SYNPO2: variants seen among roughly 807,000 people sequenced by gnomAD.
SYNPO2 encodes synaptopodin-2.
SYNPO2 carries 56 observed loss-of-function variants against 85.0 expected under a neutral mutation model. The ratio of observed to expected loss-of-function variants is 0.66; its 90% CI spans 0.53 to 0.82. The LOEUF (loss-of-function observed/expected upper bound fraction) is 0.82, where lower values mean the gene tolerates loss of function less well. SYNPO2 is among the 40% of genes least tolerant of loss of function. The probability of loss-of-function intolerance (pLI) is 0.00; values close to 1 mark genes in which losing one functional copy is unlikely to be tolerated. For synonymous variants in SYNPO2, 602 were observed against 591.1 expected, an observed-to-expected ratio of 1.02 and a Z score of -0.27; for missense variants, 1,575 against 1,534.2, an observed-to-expected ratio of 1.03 and a Z score of -0.44.
intron 1 of SYNPO2, among the ~76,000 whole-genome samples, chr4:118,950,511 A>T (rs1196190863): frequency 6.6e-6 from 1 of 152,196 alleles, no homozygotes; most frequent in Non-Finnish European, 1.5e-5. Context: ...TTAGGATTTG[A>T]TAATTTAAAT....
chr4:118,990,231 G>A (rs934027197), intron 1 of SYNPO2, among the ~76,000 whole-genome samples: 4 of 152,112 alleles, frequency 2.6e-5, no homozygotes, highest in African/African-American at 7.2e-5. Context: ...AGAACTGACA[G>A]CTCACATGGT....
At chr4:118,951,513 C>T (rs1318208072) in intron 1 of SYNPO2, among the ~76,000 whole-genome samples, 1 of 152,048 alleles carries the variant, frequency 6.6e-6, no homozygotes, top group African/African-American at 2.4e-5. Context: ...CAGACAATGC[C>T]AGTACATGAA....
intron 1 of SYNPO2, among the ~76,000 whole-genome samples, chr4:118,988,542 A>C (rs1329367440): frequency 6.6e-6 from 1 of 152,238 alleles, no homozygotes; most frequent in Non-Finnish European, 1.5e-5. Context: ...AGTTTTGGAA[A>C]GTACATCCAG....
At position 119,030,696 on chromosome 4, in the gene SYNPO2, G is replaced by C. The variant is rs200421478; in HGVS notation, c.1921G>C (p.Ala641Pro). 2.5e-6 allele frequency: 4 copies of C among 1,614,152 alleles called. No homozygotes were observed. Among genetic ancestry groups the C allele is most frequent in the East Asian group, 2.2e-5 (1 of 44,876 alleles). The change falls in exon 4 of 5, where the codon GCT becomes CCT. Residue 641 changes from alanine (A) to proline (P), a missense_variant. This residue lies in a region of SYNPO2 where 1,508 missense variants were observed against 1,446.8 expected (regional missense o/e 1.04). Coordinates refer to ENST00000307142, the MANE Select transcript of SYNPO2 (RefSeq NM_133477.3). ...AFSRGVSSPI[A>P]GPAQPPPWPQ... ...CTCCAGAGGGGTTTCAAGTCCGATT[G>C]CTGGCCCAGCACAGCCCCCTCCATG...
Position 119,030,764 on chromosome 4 carries a change from G to A in SYNPO2, c.1989G>A (p.Ser663=), listed in dbSNP as rs754544777. ...APWSQPAFYD[S]SERIASRDER... ...GGTCCCAGCCAGCCTTTTACGATTCGTCTGAGCGAATAGCTTCCCGAGATG... is the reference window on the plus strand; with the variant it reads ...GGTCCCAGCCAGCCTTTTACGATTCATCTGAGCGAATAGCTTCCCGAGATG... The change falls in exon 4 of 5, where the codon TCG becomes TCA. Residue 663 remains serine, a synonymous_variant. Transcript: ENST00000307142. 17 of 1,613,958 alleles carry A rather than the reference G, an allele frequency of 1.1e-5. No individual in the cohort carries two copies. Among genetic ancestry groups the A allele is most frequent in the African/African-American group, 6.7e-5 (5 of 74,870 alleles).
intron 1 of SYNPO2, among the ~76,000 whole-genome samples, chr4:118,894,371 A>G (rs1269520157): frequency 6.6e-6 from 1 of 152,164 alleles, no homozygotes; most frequent in Non-Finnish European, 1.5e-5. Flanking sequence ...TGCCTGGGTC[A>G]GCGGGAGTGG....
chr4:118,959,236 C>A (rs1397616069), intron 1 of SYNPO2, among the ~76,000 whole-genome samples: 10 of 152,186 alleles, frequency 6.6e-5, no homozygotes, highest in Admixed American at 5.2e-4. Context: ...TTACTCCCCA[C>A]CTCTTTCACT....
At chr4:118,953,635 T>C (rs1246225690) in intron 1 of SYNPO2, among the ~76,000 whole-genome samples, 2 of 152,102 alleles carry the variant, frequency 1.3e-5, no homozygotes, top group Non-Finnish European at 2.9e-5. Flanking sequence ...TACTCAGAAT[T>C]GCACACACCA....
chr4:118,932,632 G>A (rs189628087), intron 1 of SYNPO2, among the ~76,000 whole-genome samples: 11 of 152,266 alleles, frequency 7.2e-5, no homozygotes, highest in African/African-American at 2.2e-4. Context: ...TATGGTTCAC[G>A]TTCGGCAGAA....
At chr4:118,926,947 GA>G (rs1733732866) in intron 1 of SYNPO2, among the ~76,000 whole-genome samples, 1 of 152,108 alleles carries the variant, frequency 6.6e-6, no homozygotes, top group African/African-American at 2.4e-5. Context: ...TGGTTAACGG[GA>G]TACTGAAGCA....
intron 1 of SYNPO2, among the ~76,000 whole-genome samples, chr4:118,876,782 C>CT (rs965969290): frequency 1.4e-5 from 2 of 139,932 alleles, no homozygotes; most frequent in Admixed American, 7.4e-5. Flanking sequence ...CTTCCCTTTT[C>CT]TTTTTTTTTC....
chr4:118,889,058 T>C lies in SYNPO2; in HGVS notation c.22T>C (p.Cys8Arg). Reference sequence around the variant, plus strand: ...AAACATGGGCACAGGGGATTTTATCTGCATTTCCATGACTGGAGGGGCGCC... The same window carrying C: ...AAACATGGGCACAGGGGATTTTATCCGCATTTCCATGACTGGAGGGGCGCC... MGTGDFICISMTGGAPWG... is the reference protein window; with the variant it reads MGTGDFIRISMTGGAPWG... The change falls in exon 1 of 5, where the codon TGC becomes CGC. Residue 8 changes from cysteine (C) to arginine (R), a missense_variant. This residue lies in a region of SYNPO2 where 55 missense variants were observed against 55.5 expected (regional missense o/e 0.99). Transcript: ENST00000307142. 6.2e-7 allele frequency: 1 copy of C among 1,614,176 alleles called. No homozygotes were observed. Among genetic ancestry groups the C allele is most frequent in the Non-Finnish European group, 8.5e-7 (1 of 1,180,026 alleles).
chr4:118,927,396 C>A (rs886826066), intron 1 of SYNPO2, among the ~76,000 whole-genome samples: 1 of 152,054 alleles, frequency 6.6e-6, no homozygotes, highest in African/African-American at 2.4e-5. Context: ...ATGACCTTGA[C>A]CAGTCCTGTA....
chr4:118,859,574 A>G (rs748743093), intron 1 of SYNPO2, among the ~76,000 whole-genome samples: 2 of 152,156 alleles, frequency 1.3e-5, no homozygotes, highest in African/African-American at 4.8e-5. Context: ...ACCCCCTGCC[A>G]CTACCCTTCC....
intron 1 of SYNPO2, among the ~76,000 whole-genome samples, chr4:118,863,838 CT>C (rs1305474405): frequency 6.6e-6 from 1 of 152,192 alleles, no homozygotes; most frequent in Non-Finnish European, 1.5e-5. Flanking sequence ...TCTCAAATTT[CT>C]GAGGTAATCC....
chr4:118,894,652 TA>T (rs2149115600), intron 1 of SYNPO2, among the ~76,000 whole-genome samples: 1 of 151,980 alleles, frequency 6.6e-6, no homozygotes, highest in East Asian at 1.9e-4. Context: ...AGAGAGATAA[TA>T]TGATTTGCTT....
At chr4:118,931,897 T>C (rs184788709) in intron 1 of SYNPO2, among the ~76,000 whole-genome samples, 206 of 152,364 alleles carry the variant, frequency 1.4e-3, no homozygotes, top group African/African-American at 4.7e-3. Context: ...AACTCCTTAC[T>C]ACGTCAGTCA....
chr4:118,986,197 C>A (rs1471850417), intron 1 of SYNPO2, among the ~76,000 whole-genome samples: 2 of 152,186 alleles, frequency 1.3e-5, no homozygotes, highest in Admixed American at 1.3e-4. Context: ...GGTCCCCAAA[C>A]CTTTCTAAAA....
chr4:118,992,875 A>G lies in SYNPO2; in HGVS notation c.106-30555A>G, dbSNP rs28703190. Among the ~76,000 whole-genome samples the G allele has an allele frequency of 8.4e-3, 1,272 of 152,294 alleles. 24 individuals are homozygous for G. Among genetic ancestry groups the G allele is most frequent in the African/African-American group, 0.029 (1,219 of 41,560 alleles). On this transcript the variant is annotated intron_variant, in intron 1 of 4. Coordinates refer to ENST00000307142, the MANE Select transcript of SYNPO2 (RefSeq NM_133477.3). ...AATTTTGGGACCCTGACTTCTCTGCATGGCTTTACCTCTTGCTACTCAGAT... is the reference window on the plus strand; with the variant it reads ...AATTTTGGGACCCTGACTTCTCTGCGTGGCTTTACCTCTTGCTACTCAGAT...
Sources: gnomAD v4.1 joint callset for allele counts (sites outside exome capture counted in the v4.1 genomes callset) on GRCh38, gnomAD v4.1.1 for gene constraint, gnomAD v4.1.1 regional missense constraint, MANE v1.5 for transcripts, NCBI Gene and HGNC (gene_info 2026-07-23, HGNC 2026-07-21) for gene names.